The following RBFOX1 variants were observed in gnomAD, a reference collection of about 807,000 sequenced individuals.
RBFOX1 encodes the protein RNA binding fox-1 homolog 1.
A neutral mutation model predicts 57.7 loss-of-function variants in RBFOX1; 8 were observed. That is an observed-to-expected ratio of 0.14 (90% CI 0.08 to 0.25). RBFOX1 has a LOEUF of 0.25. Among genes scored for constraint, RBFOX1 ranks in the 10% least tolerant of loss-of-function variants. The pLI is 1.00. For synonymous variants in RBFOX1, 326 were observed against 222.4 expected (o/e 1.47, Z -4.15); for missense variants, 611 against 548.5 (o/e 1.11, Z -1.14).
chr16:7,022,895 C>G (rs1012017960), intron 3 of RBFOX1, among the ~76,000 whole-genome samples: 6 of 152,192 alleles, frequency 3.9e-5, no homozygotes, highest in Non-Finnish European at 8.8e-5. Flanking sequence ...TGCTGCAGAA[C>G]TAGGGCTTGC....
intron 10 of RBFOX1, among the ~76,000 whole-genome samples, chr16:7,622,709 G>A (rs550633355): frequency 6.6e-6 from 1 of 152,094 alleles, no homozygotes; most frequent in Admixed American, 6.5e-5. Context: ...TGCGCTTCAG[G>A]GCCCCTTTAA....
At chr16:6,381,232 A>G (rs531891106) in intron 2 of RBFOX1, among the ~76,000 whole-genome samples, 75 of 152,292 alleles carry the variant, frequency 4.9e-4, no homozygotes, top group Non-Finnish European at 9.3e-4. Context: ...TCATGTGCAT[A>G]TATTGCGTAG....
chr16:7,236,633 A>G (rs1438737281), intron 4 of RBFOX1, among the ~76,000 whole-genome samples: 1 of 152,208 alleles, frequency 6.6e-6, no homozygotes, highest in Non-Finnish European at 1.5e-5. Flanking sequence ...TTCCCAAATC[A>G]TGAAGTCTAT....
chr16:5,393,148 C>G (rs1018977510), intron 1 of RBFOX1, among the ~76,000 whole-genome samples: 1 of 152,106 alleles, frequency 6.6e-6, no homozygotes, highest in African/African-American at 2.4e-5. Context: ...GACTCTTGTT[C>G]TGTCCCTGCC....
chr16:6,491,818 C>CA lies in RBFOX1; in HGVS notation c.-63-162785_-63-162784insA, dbSNP rs2095638855. Among the ~76,000 whole-genome samples, 3 of 152,260 alleles carry CA rather than the reference C, an allele frequency of 2.0e-5. No homozygotes were observed. The South Asian group carries it at 6.2e-4, about 32-fold the overall frequency. ...TTTGAGGCTTCGAAGTCCCTTTCCC[C>CA]GTTTTTTTGGCCCAAAGCTATATCA... On this transcript the variant is annotated intron_variant, in intron 2 of 15. Coordinates refer to ENST00000550418, the MANE Select transcript of RBFOX1 (RefSeq NM_018723.4).
chr16:7,568,147 A>G (rs904110084), intron 5 of RBFOX1, among the ~76,000 whole-genome samples: 1 of 152,144 alleles, frequency 6.6e-6, no homozygotes, highest in Non-Finnish European at 1.5e-5. Flanking sequence ...GAATCCATCA[A>G]GTGAAGTAAA....
chr16:5,348,667 G>A (rs80202163), intron 1 of RBFOX1, among the ~76,000 whole-genome samples: 2,687 of 152,212 alleles, frequency 0.018, 81 homozygotes, highest in African/African-American at 0.06. Flanking sequence ...TAAATAGTAG[G>A]CTCTCAATTT....
At chr16:6,182,676 T>C (rs9926994) in intron 1 of RBFOX1, among the ~76,000 whole-genome samples, 1 of 152,266 alleles carries the variant, frequency 6.6e-6, no homozygotes, top group African/African-American at 2.4e-5. Context: ...AAATATATTT[T>C]TGCAACAAAT....
intron 4 of RBFOX1, among the ~76,000 whole-genome samples, chr16:7,362,644 T>C (rs1300237571): frequency 6.6e-6 from 1 of 151,588 alleles, no homozygotes; most frequent in Non-Finnish European, 1.5e-5. Flanking sequence ...GTGCGTATCT[T>C]AGTATGTGTA....
chr16:7,710,405 C>G, intron 15 of RBFOX1: 4 of 1,388,364 alleles, frequency 2.9e-6, no homozygotes, highest in Non-Finnish European at 3.7e-6. Flanking sequence ...GACTGGCTGA[C>G]AGAATTTGGT....
At position 6,819,728 on chromosome 16, in the gene RBFOX1, AAAATAACAAC is replaced by A. The variant is rs1567396619; in HGVS notation, c.-16+165080_-16+165089del. ...CTCAAAAAAAAAAAAAAAAAAAAAA[AAAATAACAAC>A]ACCAAAAGGTATATAGTATAACAGG... On this transcript the variant is annotated intron_variant, in intron 3 of 15. Coordinates refer to ENST00000550418, the MANE Select transcript of RBFOX1 (RefSeq NM_018723.4). Among the ~76,000 whole-genome samples, 8 of 101,944 alleles carry A rather than the reference AAAATAACAAC, an allele frequency of 7.8e-5. 1 individual carries two copies. Among genetic ancestry groups the A allele is most frequent in the South Asian group, 6.7e-4 (2 of 3,002 alleles). The allele number at this position is 101,944 out of a possible 152,430, so 66.9% of individuals were successfully genotyped here.
At chr16:5,760,957 A>G (rs1457543539) in intron 3 of RBFOX1, among the ~76,000 whole-genome samples, 1 of 152,220 alleles carries the variant, frequency 6.6e-6, no homozygotes, top group African/African-American at 2.4e-5. Flanking sequence ...CCACTGAATT[A>G]TTCACTTTAA....
chr16:5,598,798 G>A, intron 2 of RBFOX1: 1 of 850,120 alleles, frequency 1.2e-6, no homozygotes, highest in Non-Finnish European at 1.8e-6. Flanking sequence ...GCTAAACGTG[G>A]TGAGACATTC....
intron 1 of RBFOX1, among the ~76,000 whole-genome samples, chr16:5,269,292 C>T (rs1470953564): frequency 1.3e-5 from 2 of 152,228 alleles, no homozygotes; most frequent in African/African-American, 4.8e-5. Flanking sequence ...ATTTCTGTTT[C>T]CCTGATGATG....
At chr16:5,535,049 C>T (rs551876006) in intron 2 of RBFOX1, among the ~76,000 whole-genome samples, 1 of 152,310 alleles carries the variant, frequency 6.6e-6, no homozygotes, top group East Asian at 1.9e-4. Flanking sequence ...CCTCATGGGG[C>T]TTAGATCCTA....
chr16:6,849,173 A>G (rs1465477373), intron 3 of RBFOX1, among the ~76,000 whole-genome samples: 1 of 152,074 alleles, frequency 6.6e-6, no homozygotes, highest in African/African-American at 2.4e-5. Flanking sequence ...CTTGCTGAAC[A>G]CTCTTGAATG....
intron 3 of RBFOX1, among the ~76,000 whole-genome samples, chr16:6,828,545 C>G (rs1020334505): frequency 2.0e-5 from 3 of 151,476 alleles, no homozygotes; most frequent in African/African-American, 7.3e-5. Flanking sequence ...AATCAGATAG[C>G]AGTTTCATAT....
At chr16:6,579,572 C>G (rs997203982) in intron 2 of RBFOX1, among the ~76,000 whole-genome samples, 5 of 152,156 alleles carry the variant, frequency 3.3e-5, no homozygotes, top group African/African-American at 1.2e-4. Flanking sequence ...TGCACTTTTC[C>G]TTGCTGCTGC....
intron 14 of RBFOX1, among the ~76,000 whole-genome samples, chr16:7,708,010 G>C (rs760306713): frequency 1.8e-4 from 27 of 152,156 alleles, no homozygotes; most frequent in African/African-American, 2.9e-4. Flanking sequence ...TATGGGCACA[G>C]GATACGGTGG....
Sources: gnomAD v4.1 joint callset for allele counts (sites outside exome capture counted in the v4.1 genomes callset) on GRCh38, gnomAD v4.1.1 for gene constraint, MANE v1.5 for transcripts, NCBI Gene and HGNC (gene_info 2026-07-23, HGNC 2026-07-21) for gene names.